WDPCP: variants seen among roughly 807,000 people sequenced by gnomAD.
WDPCP encodes WD repeat-containing and planar cell polarity effector protein fritz homolog.
Under a neutral mutation model 93.1 loss-of-function variants are expected in WDPCP, and 71 were observed. That is an observed-to-expected ratio of 0.76 (90% CI 0.63 to 0.93). The LOEUF is 0.93. WDPCP is among the 40% of genes least tolerant of loss of function. The pLI, the probability that WDPCP is intolerant of heterozygous loss-of-function variation, is 0.00. For missense variants in WDPCP, 844 were observed against 887.4 expected (o/e 0.95, Z 0.62); for synonymous variants, 315 against 315.0 (o/e 1.00, Z 0.00).
At chr2:63,335,891 A>C (rs1688326124) in intron 12 of WDPCP, among the ~76,000 whole-genome samples, 3 of 152,186 alleles carry the variant, frequency 2.0e-5, no homozygotes, top group African/African-American at 7.2e-5. Context: ...GAGTCAGACA[A>C]AACCTGCCAA....
intron 3 of WDPCP, among the ~76,000 whole-genome samples, chr2:63,620,460 A>G (rs1709722965): frequency 6.6e-6 from 1 of 152,178 alleles, no homozygotes; most frequent in East Asian, 1.9e-4. Flanking sequence ...CTGTAACCAG[A>G]CTGCCTCTCT....
chr2:63,203,054 ATG>A (rs536046610), intron 14 of WDPCP, among the ~76,000 whole-genome samples: 42 of 152,210 alleles, frequency 2.8e-4, no homozygotes, highest in South Asian at 1.9e-3. Flanking sequence ...TGGGGTGCAT[ATG>A]TGTGTGTGTA....
chr2:63,394,161 T>C (rs568840734), intron 10 of WDPCP, among the ~76,000 whole-genome samples: 19 of 152,186 alleles, frequency 1.2e-4, no homozygotes, highest in South Asian at 2.1e-4. Context: ...AGGTTTAGTA[T>C]CCAGAATCTT....
chr2:63,610,704 T>C (rs1709605287), intron 3 of WDPCP, among the ~76,000 whole-genome samples: 1 of 152,212 alleles, frequency 6.6e-6, no homozygotes, highest in South Asian at 2.1e-4. Flanking sequence ...TATGTAAATA[T>C]ATGTGTGTGC....
chr2:63,698,729 A>G (rs1294606659), intron 2 of WDPCP, among the ~76,000 whole-genome samples: 1 of 152,222 alleles, frequency 6.6e-6, no homozygotes, highest in Non-Finnish European at 1.5e-5. Flanking sequence ...TGGCCACAGA[A>G]GTTTACTCAG....
chr2:63,200,529 T>G (rs1224371650), intron 14 of WDPCP, among the ~76,000 whole-genome samples: 6 of 152,184 alleles, frequency 3.9e-5, no homozygotes, highest in Admixed American at 2.6e-4. Flanking sequence ...ATGAGATCCT[T>G]TTATCTGCAA....
chr2:63,180,736 A>G (rs545547963), intron 14 of WDPCP, among the ~76,000 whole-genome samples: 3 of 152,136 alleles, frequency 2.0e-5, no homozygotes, highest in Non-Finnish European at 1.5e-5. Flanking sequence ...TTCTATTTGC[A>G]GTTCTATGAG....
chr2:63,265,070 T>C (rs560572811), intron 13 of WDPCP, among the ~76,000 whole-genome samples: 2 of 152,152 alleles, frequency 1.3e-5, no homozygotes, highest in East Asian at 1.9e-4. Flanking sequence ...TAAGAGAGTA[T>C]ATGGTAAAAA....
At position 63,130,913 on chromosome 2, in the gene WDPCP, C is replaced by T. The variant is rs188218418; in HGVS notation, c.2191-8857G>A. Among the ~76,000 whole-genome samples, 17 of 152,146 alleles carry T rather than the reference C, an allele frequency of 1.1e-4. No homozygotes were observed. The East Asian group carries it at 2.5e-3, about 22-fold the overall frequency. On this transcript the variant is annotated intron_variant, in intron 17 of 17. Transcript: ENST00000272321. ...ACATACATATTTATAATAATTATAT[C>T]TTGGTGAATTGACTCTTTAATCATG...
chr2:63,534,865 A>G (rs1704155918), intron 1 of WDPCP, among the ~76,000 whole-genome samples: 1 of 152,248 alleles, frequency 6.6e-6, no homozygotes, highest in African/African-American at 2.4e-5. Flanking sequence ...GGCCAGGGCA[A>G]TCAGGCAGGA....
intron 2 of WDPCP, among the ~76,000 whole-genome samples, chr2:63,668,932 A>G (rs989752005): frequency 2.6e-5 from 4 of 152,156 alleles, no homozygotes; most frequent in African/African-American, 9.7e-5. Context: ...TTCTAGAATA[A>G]CCCTTCTTTC....
At chr2:63,838,943 G>T in the WDPCP span, among the ~76,000 whole-genome samples, 2 of 152,152 alleles carry the variant, frequency 1.3e-5, no homozygotes, top group African/African-American at 4.8e-5. Flanking sequence ...GATGTATAAA[G>T]AAATTTCATT....
rs756642596 is a variant in WDPCP, at chr2:63,484,589, G to GT, written c.384+14dup. On this transcript the variant is annotated intron_variant, in intron 6 of 17. Coordinates refer to ENST00000272321, the MANE Select transcript of WDPCP (RefSeq NM_015910.7). ...CATTGGTTAAACACTGCAAAGGCTTGTCAAATCATTTTACCTGACAGACAT... is the reference window on the plus strand; with the variant it reads ...CATTGGTTAAACACTGCAAAGGCTTGTTCAAATCATTTTACCTGACAGACAT... The GT allele has an allele frequency of 1.9e-6, 3 of 1,612,534 alleles. No homozygotes were observed. The highest frequency in any genetic ancestry group is 1.7e-6 in the Non-Finnish European group (2 of 1,179,004).
rs533052892 is a variant in WDPCP at position 63,163,414 on chromosome 2, T to C, written c.2079-9840A>G. Among the ~76,000 whole-genome samples, 5 of 152,314 alleles carry C rather than the reference T, an allele frequency of 3.3e-5. No homozygotes were observed. The East Asian group carries it at 9.6e-4, about 29-fold the overall frequency. On this transcript the variant is annotated intron_variant, in intron 15 of 17. Transcript: ENST00000272321. ...AGGATGTCTCTAGTGAGTTTCTGGT[T>C]TTATAGGCAGCAAACATAAAGCACC... is the stretch of plus-strand genomic sequence containing the variant.
At chr2:63,521,447 A>C (rs1702925593) in intron 1 of WDPCP, among the ~76,000 whole-genome samples, 1 of 152,186 alleles carries the variant, frequency 6.6e-6, no homozygotes, top group South Asian at 2.1e-4. Context: ...AACAAAAATC[A>C]AAAAAGACAA....
intron 17 of WDPCP, among the ~76,000 whole-genome samples, chr2:63,137,399 C>A (rs539338475): frequency 6.6e-6 from 1 of 152,068 alleles, no homozygotes; most frequent in Non-Finnish European, 1.5e-5. Flanking sequence ...CTGCTGCCCA[C>A]TTTTAATAGA....
intron 2 of WDPCP, among the ~76,000 whole-genome samples, chr2:63,765,801 T>C (rs1430872638): frequency 6.6e-6 from 1 of 152,240 alleles, no homozygotes; most frequent in Non-Finnish European, 1.5e-5. Context: ...TTTGTTCATC[T>C]GCATGGGAAA....
intron 6 of WDPCP, among the ~76,000 whole-genome samples, chr2:63,469,074 C>G (rs965569747): frequency 6.6e-6 from 1 of 151,616 alleles, no homozygotes; most frequent in Admixed American, 6.6e-5. Context: ...GACATACATG[C>G]AGCCGACAAC....
intron 1 of WDPCP, among the ~76,000 whole-genome samples, chr2:63,540,064 A>AT: frequency 6.6e-6 from 1 of 152,310 alleles, no homozygotes; most frequent in East Asian, 1.9e-4. Context: ...ACTACATAGA[A>AT]ACTTTTCGGT....
Sources: gnomAD v4.1 joint callset for allele counts (sites outside exome capture counted in the v4.1 genomes callset) on GRCh38, gnomAD v4.1.1 for gene constraint, MANE v1.5 for transcripts, NCBI Gene and HGNC (gene_info 2026-07-23, HGNC 2026-07-21) for gene names.